Variants in FAM13B observed in about 807,000 individuals in gnomAD.
FAM13B encodes family with sequence similarity 13 member B.
In FAM13B, 60 loss-of-function variants were observed where a neutral mutation model predicts 117.3. That is an observed-to-expected ratio of 0.51 (90% CI 0.42 to 0.63). FAM13B has a LOEUF of 0.63. FAM13B is among the 30% of genes least tolerant of loss of function. The probability of loss-of-function intolerance (pLI) is 0.00; values close to 1 mark genes in which losing one functional copy is unlikely to be tolerated. For missense variants in FAM13B, 972 were observed against 1,091.9 expected, an observed-to-expected ratio of 0.89 and a Z score of 1.55; for synonymous variants, 332 against 356.1, an observed-to-expected ratio of 0.93 and a Z score of 0.76.
chr5:138,034,271 A>T (rs1045012844), upstream of FAM13B, among the ~76,000 whole-genome samples: 34 of 152,214 alleles, frequency 2.2e-4, no homozygotes, highest in African/African-American at 8.2e-4. Context: ...ATTCAGATTC[A>T]CTCACTCATT....
At chr5:137,966,486 T>TAGAGAGAGAGAGAGAG (rs1244578551) in intron 10 of FAM13B, among the ~76,000 whole-genome samples, 12 of 44,016 alleles carry the variant, frequency 2.7e-4, no homozygotes, top group South Asian at 1.9e-3. Flanking sequence ...TATATATATA[T>TAGAGAGAGAGAGAGAG]ATAGAGAGAG....
upstream of FAM13B, among the ~76,000 whole-genome samples, chr5:138,035,005 T>TTTTTTTTTTTTTTTTG (rs1790990648): frequency 1.0e-5 from 1 of 96,902 alleles, no homozygotes; most frequent in Admixed American, 1.1e-4. Flanking sequence ...CTTTTTTTTT[T>TTTTTTTTTTTTTTTTG]TTTTTTTTTT....
chr5:137,998,612 G>C (rs1308208744), intron 7 of FAM13B, among the ~76,000 whole-genome samples: 1 of 152,154 alleles, frequency 6.6e-6, no homozygotes, highest in Non-Finnish European at 1.5e-5. Context: ...TATAAAATTT[G>C]AATTTTCAAG....
intron 9 of FAM13B, 46 bp from the exon 10 acceptor site, chr5:137,985,435 G>A: frequency 6.4e-7 from 1 of 1,568,812 alleles, no homozygotes; most frequent in South Asian, 1.2e-5. Flanking sequence ...TGTTGAGTGT[G>A]TAATGCCTTT....
chr5:137,972,533 C>A (rs1376271017), intron 10 of FAM13B, among the ~76,000 whole-genome samples: 2 of 151,776 alleles, frequency 1.3e-5, no homozygotes, highest in African/African-American at 4.8e-5. Flanking sequence ...GGAAGCATTC[C>A]CTTTGAAAAA....
intron 10 of FAM13B, among the ~76,000 whole-genome samples, chr5:137,963,722 G>T (rs909108907): frequency 1.3e-5 from 2 of 152,184 alleles, no homozygotes; most frequent in African/African-American, 4.8e-5. Context: ...TGGGGGAGTG[G>T]GGAGTGAGCA....
At chr5:137,946,537 A>C (rs901691102) in intron 18 of FAM13B, 1 of 437,646 alleles carries the variant, frequency 2.3e-6, no homozygotes, top group African/African-American at 2.0e-5. Flanking sequence ...AACCCCTTTG[A>C]TGGCTTTACA....
Position 137,939,870 on chromosome 5 carries a change from C to A in FAM13B, c.*355G>T. ...TCCAATTTTCTTCAGTAATGAGAAA[C>A]AAAAAGTTGGTAATAACAAAAAGCT... On this transcript the variant is annotated 3_prime_UTR_variant, in exon 24 of 24. Transcript: ENST00000689681. The A allele has an allele frequency of 1.5e-6, 2 of 1,321,968 alleles. No homozygotes were observed. Among genetic ancestry groups the A allele is most frequent in the Non-Finnish European group, 1.9e-6 (2 of 1,038,826 alleles). The allele number at this position is 1,321,968 out of a possible 1,614,324, so 81.9% of individuals were successfully genotyped here.
In FAM13B at chr5:138,023,379, T is replaced by C. The variant is rs1009074404; in HGVS notation, c.-202-2182A>G. Among the ~76,000 whole-genome samples, 22 of 152,206 alleles carry C rather than the reference T, an allele frequency of 1.4e-4. 1 individual carries two copies. Among genetic ancestry groups the C allele is most frequent in the Admixed American group, 1.1e-3 (17 of 15,284 alleles). On this transcript the variant is annotated intron_variant, in intron 1 of 23. Transcript: ENST00000689681. ...TCCATGCACTTTACATGTATTAAGGTATTCTTTAACCCTTAATTAGACATT... is the reference window on the plus strand; with the variant it reads ...TCCATGCACTTTACATGTATTAAGGCATTCTTTAACCCTTAATTAGACATT...
intron 1 of FAM13B, chr5:138,039,879 C>T (rs1791427697): frequency 6.6e-6 from 1 of 152,134 alleles, no homozygotes; most frequent in Non-Finnish European, 1.5e-5. Context: ...TAACAATTTA[C>T]AGAAGCATTT....
At chr5:137,952,882 C>T (rs1302835056) in intron 16 of FAM13B, among the ~76,000 whole-genome samples, 173 bp from the exon 17 acceptor site, 1 of 152,188 alleles carries the variant, frequency 6.6e-6, no homozygotes, top group African/African-American at 2.4e-5. Context: ...GGTAAGGTCT[C>T]GTAACTGGCA....
intron 1 of FAM13B, among the ~76,000 whole-genome samples, chr5:138,046,835 C>T (rs772450638): frequency 7.9e-5 from 12 of 152,068 alleles, no homozygotes; most frequent in African/African-American, 2.2e-4. Flanking sequence ...CAATCTCTGC[C>T]TCCCGGGTTC....
chr5:138,002,670 T>C (rs1781560919), intron 7 of FAM13B, among the ~76,000 whole-genome samples: 1 of 147,560 alleles, frequency 6.8e-6, no homozygotes, highest in Non-Finnish European at 1.5e-5. Context: ...CTCTATTTTT[T>C]TTTTTTTTTT....
intron 11 of FAM13B, among the ~76,000 whole-genome samples, chr5:137,960,763 A>T (rs1313781501): frequency 1.3e-5 from 2 of 152,214 alleles, no homozygotes; most frequent in African/African-American, 2.4e-5. Flanking sequence ...AGGAAATTTT[A>T]AAAAATTTCA....
At chr5:137,981,106 T>A (rs1001970955) in intron 10 of FAM13B, among the ~76,000 whole-genome samples, 2 of 76,098 alleles carry the variant, frequency 2.6e-5, no homozygotes, top group Non-Finnish European at 6.0e-5. Flanking sequence ...TTTTTTTTTT[T>A]ACCATTTTTG....
At chr5:137,968,794 CG>C (rs995092658) in intron 10 of FAM13B, among the ~76,000 whole-genome samples, 1 of 152,220 alleles carries the variant, frequency 6.6e-6, no homozygotes, top group African/African-American at 2.4e-5. Flanking sequence ...TTGCCTCACT[CG>C]GGAAGCGCAA....
In FAM13B at chr5:137,998,779, C is replaced by T. The variant is rs1780464498; in HGVS notation, c.848+8211G>A. 4.6e-5 allele frequency among the ~76,000 whole-genome samples: 7 copies of T among 152,350 alleles called. No homozygotes were observed. The South Asian group carries it at 1.4e-3, about 32-fold the overall frequency. ...TGGAAGATTACAGAACTCAGTGAAGCAATCTTTTCCAAATGACCAATATAC... is the reference window on the plus strand; with the variant it reads ...TGGAAGATTACAGAACTCAGTGAAGTAATCTTTTCCAAATGACCAATATAC... On this transcript the variant is annotated intron_variant, in intron 7 of 23. Transcript: ENST00000689681.
chr5:137,980,433 C>T (rs978683746), intron 10 of FAM13B, among the ~76,000 whole-genome samples: 2 of 135,160 alleles, frequency 1.5e-5, no homozygotes, highest in Non-Finnish European at 3.1e-5. Context: ...AATTGATACA[C>T]TAATTTCTTT....
Position 137,952,706 on chromosome 5 carries a change from A to G in FAM13B, c.1852T>C (p.Ser618Pro). 2 of 1,595,970 alleles carry G rather than the reference A, an allele frequency of 1.3e-6. No homozygotes were observed. The highest frequency in any genetic ancestry group is 1.7e-6 in the Non-Finnish European group (2 of 1,170,842). ...GGATTGGCAGCAATATCACTGTAGG[A>G]GGGCTGAAAAATTATGGAGCAGAAT... is the stretch of plus-strand genomic sequence containing the variant. ...QFERERNSKP[S>P]YSDIAANPKV... The change falls in exon 17 of 24, where the codon TCC (serine) becomes CCC (proline). Residue 618 changes from serine (S) to proline (P), a missense_variant. Transcript: ENST00000689681.
Sources: gnomAD v4.1 joint callset for allele counts (sites outside exome capture counted in the v4.1 genomes callset) on GRCh38, gnomAD v4.1.1 for gene constraint, MANE v1.5 for transcripts, NCBI Gene and HGNC (gene_info 2026-07-23, HGNC 2026-07-21) for gene names.